The following LRSAM1 variants were observed in gnomAD, a reference collection of about 807,000 sequenced individuals.
LRSAM1 encodes E3 ubiquitin-protein ligase LRSAM1.
Under a neutral mutation model 118.1 loss-of-function variants are expected in LRSAM1, and 96 were observed. That is an observed-to-expected ratio of 0.81 (90% confidence interval 0.69 to 0.96). LRSAM1 has a LOEUF of 0.96. LRSAM1 is among the 40% of genes least tolerant of loss of function. The pLI, the probability that LRSAM1 is intolerant of heterozygous loss-of-function variation, is 0.00. For synonymous variants in LRSAM1, 322 were observed against 364.2 expected (o/e 0.88, Z 1.32); for missense variants, 804 against 915.5 (o/e 0.88, Z 1.57).
chr9:127,479,024 A>G, intron 12 of LRSAM1, 61 bp downstream of exon 12: 1 of 1,531,910 alleles, frequency 6.5e-7, no homozygotes, highest in Non-Finnish European at 9.0e-7. Flanking sequence ...AACTCAACTC[A>G]TAAAATATTT....
At chr9:127,451,867 A>G (rs1834336220) in intron 1 of LRSAM1, 62 bp from the exon 2 acceptor site, 1 of 152,900 alleles carries the variant, frequency 6.5e-6, no homozygotes, top group African/African-American at 2.4e-5. Context: ...CGATTCCTAG[A>G]GCCTCAGACT....
intron 24 of LRSAM1, among the ~76,000 whole-genome samples, chr9:127,499,174 ACC>A (rs1165226919): frequency 6.6e-6 from 1 of 152,032 alleles, no homozygotes; most frequent in East Asian, 1.9e-4. Context: ...GGAGTTTGAG[ACC>A]AGCCTGGGCG....
intron 6 of LRSAM1, among the ~76,000 whole-genome samples, chr9:127,458,322 C>T (rs1235414419): frequency 1.3e-5 from 2 of 150,726 alleles, no homozygotes; most frequent in Non-Finnish European, 2.9e-5. Context: ...GCGGAGCTTG[C>T]AGTGAGCCGA....
intron 9 of LRSAM1, among the ~76,000 whole-genome samples, chr9:127,466,517 TTTTTTTTTTTTTTC>T (rs1482521447): frequency 4.1e-4 from 38 of 93,568 alleles, no homozygotes; most frequent in Admixed American, 1.4e-3. Flanking sequence ...TTTTTTTTTT[TTTTTTTTTTTTTTC>T]CACTAGAGAT....
In LRSAM1 at chr9:127,496,084, G is replaced by A. The variant is rs1480003668; in HGVS notation, c.1819G>A (p.Asp607Asn). ...CCTGCTGAGCCAAATGAGCCCAGGG[G>A]ACCTGGCCAAGGTGGGCAGCAGCCG... ...LDLLSQMSPGDLAKVGVSEAG... is the reference protein window; with the variant it reads ...LDLLSQMSPGNLAKVGVSEAG... The change falls in exon 23 of 26, where the codon GAC (aspartate) becomes AAC (asparagine). Residue 607 changes from aspartate to asparagine, a missense_variant. Coordinates refer to ENST00000300417, the MANE Select transcript of LRSAM1 (RefSeq NM_001005373.4). The A allele has an allele frequency of 6.2e-7, 1 of 1,610,252 alleles. No homozygotes were observed. The highest frequency in any genetic ancestry group is 1.7e-5 in the Admixed American group (1 of 60,032).
At chr9:127,458,732 CT>C (rs1214838622) in intron 6 of LRSAM1, among the ~76,000 whole-genome samples, 1 of 152,126 alleles carries the variant, frequency 6.6e-6, no homozygotes, top group African/African-American at 2.4e-5. Flanking sequence ...TGGAGTGTTT[CT>C]TTTTAACATA....
intron 9 of LRSAM1, among the ~76,000 whole-genome samples, chr9:127,466,504 A>ATATATATACAT (rs1554755061): frequency 4.1e-5 from 1 of 24,520 alleles, no homozygotes; most frequent in African/African-American, 1.5e-4. Flanking sequence ...ATATATATAT[A>ATATATATACAT]TTTTTTTTTT....
rs1224084252 is a variant in LRSAM1, at chr9:127,465,682, T to C, written c.529-2058T>C. Reference sequence around the variant, plus strand: ...AGGGCTGGGGGACCTGAGCTACCCTTCCCACCCAGCCACTTGTGTTACAGC... The same window carrying C: ...AGGGCTGGGGGACCTGAGCTACCCTCCCCACCCAGCCACTTGTGTTACAGC... On this transcript the variant is annotated intron_variant, in intron 9 of 25. Coordinates refer to ENST00000300417, the MANE Select transcript of LRSAM1 (RefSeq NM_001005373.4). The surrounding 1 kb of genome is among the most constrained non-coding windows in gnomAD (Gnocchi z 4.1). 6.6e-6 allele frequency among the ~76,000 whole-genome samples: 1 copy of C among 152,084 alleles called. No individual in the cohort carries two copies. Among genetic ancestry groups the C allele is most frequent in the African/African-American group, 2.4e-5 (1 of 41,406 alleles).
chr9:127,495,055 G>C (rs1836074389), intron 21 of LRSAM1, among the ~76,000 whole-genome samples: 3 of 152,198 alleles, frequency 2.0e-5, no homozygotes, highest in Admixed American at 1.3e-4. Flanking sequence ...GGGCTCAAGA[G>C]ATTCTCCTGC....
At position 127,479,420 on chromosome 9, in the gene LRSAM1, G is replaced by C. The variant is rs368088593; in HGVS notation, c.818G>C (p.Arg273Pro). The C allele has an allele frequency of 1.2e-6, 2 of 1,614,130 alleles. No individual in the cohort carries two copies. The highest frequency in any genetic ancestry group is 1.3e-5 in the African/African-American group (1 of 75,030). The change falls in exon 13 of 26, where the codon CGC becomes CCC. Residue 273 changes from arginine (R) to proline (P), a missense_variant. Coordinates refer to ENST00000300417, the MANE Select transcript of LRSAM1 (RefSeq NM_001005373.4). ...KMLEKLEFER[R>P]LELGQREHTQ... Reference sequence around the variant, plus strand: ...CTGGAGAAACTCGAGTTTGAACGGCGCCTGGAACTGGGGCAGCGGGAGCAC... The same window carrying C: ...CTGGAGAAACTCGAGTTTGAACGGCCCCTGGAACTGGGGCAGCGGGAGCAC...
At chr9:127,494,397 G>A (rs1836045047) in intron 21 of LRSAM1, among the ~76,000 whole-genome samples, 1 of 152,224 alleles carries the variant, frequency 6.6e-6, no homozygotes, top group East Asian at 1.9e-4. Flanking sequence ...TCCAATTCCT[G>A]GCCCCACCCT....
At chr9:127,460,140 C>T (rs1314200204) in intron 7 of LRSAM1, among the ~76,000 whole-genome samples, 3 of 152,096 alleles carry the variant, frequency 2.0e-5, no homozygotes, top group Non-Finnish European at 4.4e-5. Flanking sequence ...GCTGGAATTA[C>T]AGGCGCCCAC....
chr9:127,456,966 A>G (rs544927171), intron 5 of LRSAM1, among the ~76,000 whole-genome samples: 4 of 152,190 alleles, frequency 2.6e-5, no homozygotes, highest in Admixed American at 2.6e-4. Flanking sequence ...GCTTTTATTT[A>G]ACATCATGGC....
intron 18 of LRSAM1, 125 bp from the exon 19 acceptor site, chr9:127,489,319 C>G (rs1835841930): frequency 8.9e-7 from 1 of 1,121,252 alleles, no homozygotes; most frequent in African/African-American, 1.5e-5. Flanking sequence ...GAAATCTTCT[C>G]CCTCTCTCAG....
intron 21 of LRSAM1, among the ~76,000 whole-genome samples, chr9:127,494,265 G>A (rs1836040148): frequency 6.6e-6 from 1 of 152,246 alleles, no homozygotes; most frequent in Admixed American, 6.5e-5. Flanking sequence ...GCCCGCAAAG[G>A]GCAGTCAGGC....
rs201903568 is a variant in LRSAM1 at position 127,481,250 on chromosome 9, G to A, written c.1088+23G>A. On this transcript the variant is annotated intron_variant, in intron 15 of 25. Coordinates refer to ENST00000300417, the MANE Select transcript of LRSAM1 (RefSeq NM_001005373.4). Reference sequence around the variant, plus strand: ...AAGGTAAGTGTTCTTCCAGGGGAGGGCAGCATTTTTTTTTTTTTTTTGAGA... The same window carrying A: ...AAGGTAAGTGTTCTTCCAGGGGAGGACAGCATTTTTTTTTTTTTTTTGAGA... 30 of 1,609,510 alleles carry A rather than the reference G, an allele frequency of 1.9e-5. No individual in the cohort carries two copies. In the Admixed American group the frequency reaches 4.8e-4, roughly 26 times the overall value.
intron 18 of LRSAM1, 73 bp from the exon 19 acceptor site, chr9:127,489,371 T>C: frequency 6.5e-7 from 1 of 1,539,002 alleles, no homozygotes; most frequent in Non-Finnish European, 8.8e-7. Flanking sequence ...CAGCTTTTGC[T>C]TTTCACAGGG....
intron 24 of LRSAM1, among the ~76,000 whole-genome samples, chr9:127,500,500 CCT>C (rs1317214165): frequency 1.5e-4 from 23 of 152,136 alleles, no homozygotes. Context: ...TTGCGGGGGG[CCT>C]CTCATTCTGC....
chr9:127,452,564 A>G (rs1834364897), intron 2 of LRSAM1, among the ~76,000 whole-genome samples: 1 of 152,164 alleles, frequency 6.6e-6, no homozygotes, highest in South Asian at 2.1e-4. Context: ...TGTTGCTTGC[A>G]TGTGGGTTGC....
Sources: gnomAD v4.1 joint callset for allele counts (sites outside exome capture counted in the v4.1 genomes callset) on GRCh38, gnomAD v4.1.1 for gene constraint, Gnocchi (gnomAD v3.1) non-coding constraint, MANE v1.5 for transcripts, NCBI Gene and HGNC (gene_info 2026-07-23, HGNC 2026-07-21) for gene names.